The following PHKB variants were observed in gnomAD, a reference collection of about 807,000 sequenced individuals.
PHKB encodes the protein phosphorylase kinase regulatory subunit beta.
In PHKB, 122 loss-of-function variants were observed where a neutral mutation model predicts 152.1. That is an observed-to-expected ratio of 0.80 (90% CI 0.69 to 0.93). PHKB has a LOEUF of 0.93. Among genes scored for constraint, PHKB ranks in the 40% least tolerant of loss-of-function variants. The pLI is 0.00. For missense variants in PHKB, 1,304 were observed against 1,328.4 expected (o/e 0.98, Z 0.29); for synonymous variants, 436 against 464.9 (o/e 0.94, Z 0.80).
At chr16:47,540,613 C>T (rs1766870216) in intron 6 of PHKB, among the ~76,000 whole-genome samples, 1 of 151,950 alleles carries the variant, frequency 6.6e-6, no homozygotes. Context: ...CTCTTTATTT[C>T]TCAGACTGGC....
At position 47,518,937 on chromosome 16, in the gene PHKB, G is replaced by A. The variant is rs577275352; in HGVS notation, c.594+3336G>A. On this transcript the variant is annotated intron_variant, in intron 6 of 30. Coordinates refer to ENST00000323584, the MANE Select transcript of PHKB (RefSeq NM_000293.3). ...TCTAAAAGTAGATTCATAGAAATAA[G>A]AAAGAAATCATTTAGAAGTGGGTCC... Among the ~76,000 whole-genome samples, 20 of 152,252 alleles carry A rather than the reference G, an allele frequency of 1.3e-4. No homozygotes were observed. In the South Asian group the frequency reaches 3.9e-3, roughly 30 times the overall value.
At chr16:47,688,027 A>G (rs1305783502) in intron 26 of PHKB, among the ~76,000 whole-genome samples, 2 of 152,174 alleles carry the variant, frequency 1.3e-5, no homozygotes, top group South Asian at 4.1e-4. Context: ...CTACCCTAAC[A>G]TTTTCATCTC....
intron 1 of PHKB, among the ~76,000 whole-genome samples, chr16:47,495,940 A>G (rs1970224970): frequency 6.6e-6 from 1 of 152,200 alleles, no homozygotes; most frequent in Non-Finnish European, 1.5e-5. Context: ...CTATCTTTTC[A>G]GCAGAAGATA....
intron 24 of PHKB, 25 bp downstream of exon 24, chr16:47,663,759 A>T (rs369710597): frequency 3.0e-6 from 4 of 1,336,676 alleles, no homozygotes; most frequent in Admixed American, 1.7e-5. Flanking sequence ...CCTTGTTGTT[A>T]TGTTTTATTT....
At chr16:47,585,420 T>C (rs1051356618) in intron 8 of PHKB, among the ~76,000 whole-genome samples, 1 of 152,234 alleles carries the variant, frequency 6.6e-6, no homozygotes, top group African/African-American at 2.4e-5. Flanking sequence ...GACATCTAGC[T>C]TCCTTTGAAA....
At chr16:47,497,636 A>G (rs1239972829) in intron 2 of PHKB, 148 bp downstream of exon 2, 3 of 668,752 alleles carry the variant, frequency 4.5e-6, no homozygotes, top group Non-Finnish European at 8.2e-6. Flanking sequence ...GTGTATTCCA[A>G]TTGTATGTCG....
At chr16:47,683,176 TG>T (rs1197487146) in intron 26 of PHKB, among the ~76,000 whole-genome samples, 2 of 152,148 alleles carry the variant, frequency 1.3e-5, no homozygotes, top group Admixed American at 6.5e-5. Flanking sequence ...CTGCCCCTAC[TG>T]GGGGGTGCCT....
In PHKB at chr16:47,502,839, T is replaced by C. The variant is rs996071314; in HGVS notation, c.306-152T>C. On this transcript the variant is annotated intron_variant, in intron 3 of 30. Coordinates refer to ENST00000323584, the MANE Select transcript of PHKB (RefSeq NM_000293.3). ...TTTTTTCATTGCAGCATTTCTACTT[T>C]TGCTGGGAAAATGGAGTTTCACTGT... 2.3e-5 allele frequency: 15 copies of C among 651,392 alleles called. No individual in the cohort carries two copies. In the African/African-American group the frequency reaches 2.7e-4, roughly 12 times the overall value. The allele number at this position is 651,392 out of a possible 1,614,324, so 40.4% of individuals were successfully genotyped here. A position where few individuals can be genotyped will look rare whatever the true frequency, so the allele number is the denominator to read the frequency against.
chr16:47,571,630 C>T (rs1291490190), intron 7 of PHKB, among the ~76,000 whole-genome samples: 1 of 152,178 alleles, frequency 6.6e-6, no homozygotes, highest in Non-Finnish European at 1.5e-5. Context: ...TGCAGTCACC[C>T]CAAAGTGCTT....
At chr16:47,629,890 T>C (rs572008366) in intron 14 of PHKB, among the ~76,000 whole-genome samples, 455 of 152,044 alleles carry the variant, frequency 3.0e-3, no homozygotes, top group Non-Finnish European at 4.6e-3. Context: ...TGGATGAAAT[T>C]GGAAATCATC....
At chr16:47,659,207 G>A (rs1048605848) in intron 20 of PHKB, among the ~76,000 whole-genome samples, 2 of 151,976 alleles carry the variant, frequency 1.3e-5, no homozygotes, top group African/African-American at 2.4e-5. Flanking sequence ...CTATTAATAC[G>A]TCCATCCTAC....
At chr16:47,643,173 G>A (rs1407360318) in intron 16 of PHKB, among the ~76,000 whole-genome samples, 1 of 152,146 alleles carries the variant, frequency 6.6e-6, no homozygotes, top group African/African-American at 2.4e-5. Flanking sequence ...AGATTTAAAA[G>A]GCTAACATGG....
intron 13 of PHKB, among the ~76,000 whole-genome samples, chr16:47,609,253 C>T (rs1972381902): frequency 1.3e-5 from 2 of 152,082 alleles, no homozygotes; most frequent in African/African-American, 4.8e-5. Context: ...ATAGATTCTA[C>T]TTGGTTATGA....
At chr16:47,555,247 T>C (rs1022160227) in intron 7 of PHKB, among the ~76,000 whole-genome samples, 6 of 152,366 alleles carry the variant, frequency 3.9e-5, no homozygotes, top group African/African-American at 1.4e-4. Flanking sequence ...ATCTTTGCCA[T>C]ACTGAACAAT....
rs987323588 is a variant in PHKB at position 47,679,611 on chromosome 16, A to G, written c.2631-9430A>G. On this transcript the variant is annotated intron_variant, in intron 26 of 30. Transcript: ENST00000323584. ...TCTAAGAATGCTTGTGATTTTGCACATTGATTTTGTATCCTCAGACTTTGC... is the reference window on the plus strand; with the variant it reads ...TCTAAGAATGCTTGTGATTTTGCACGTTGATTTTGTATCCTCAGACTTTGC... Among the ~76,000 whole-genome samples the G allele has an allele frequency of 5.9e-5, 9 of 152,172 alleles. No individual in the cohort carries two copies. In the South Asian group the frequency reaches 6.2e-4, roughly 11 times the overall value.
chr16:47,635,746 TGC>T (rs1285936097), intron 14 of PHKB, among the ~76,000 whole-genome samples: 5 of 152,372 alleles, frequency 3.3e-5, no homozygotes, highest in Admixed American at 3.3e-4. Context: ...GCACAGAATC[TGC>T]AGTCAGACTG....
chr16:47,587,878 T>C, intron 9 of PHKB, 115 bp downstream of exon 9: 1 of 829,530 alleles, frequency 1.2e-6, no homozygotes, highest in Non-Finnish European at 2.0e-6. Context: ...CCAGAAGGGA[T>C]AAGAGGACAT....
chr16:47,570,369 T>C (rs186104994), intron 7 of PHKB, among the ~76,000 whole-genome samples: 3 of 152,372 alleles, frequency 2.0e-5, no homozygotes, highest in Admixed American at 2.0e-4. Flanking sequence ...TTCCTTGAAG[T>C]AGGTTTTCTA....
chr16:47,694,041 G>A (rs1450419381), intron 28 of PHKB, among the ~76,000 whole-genome samples: 1 of 152,194 alleles, frequency 6.6e-6, no homozygotes, highest in Admixed American at 6.5e-5. Flanking sequence ...AAACAATGGG[G>A]CCTAGTAGTG....
Sources: gnomAD v4.1 joint callset for allele counts (sites outside exome capture counted in the v4.1 genomes callset) on GRCh38, gnomAD v4.1.1 for gene constraint, MANE v1.5 for transcripts, NCBI Gene and HGNC (gene_info 2026-07-23, HGNC 2026-07-21) for gene names.